Variants in NEK7 observed in about 807,000 individuals in gnomAD.
The protein encoded by NEK7 is NIMA related kinase 7, also known as serine/threonine-protein kinase Nek7.
A neutral mutation model predicts 44.6 loss-of-function variants in NEK7; 18 were observed. The observed-to-expected ratio is 0.40, with a 90% confidence interval of 0.28 to 0.60. NEK7 has a LOEUF of 0.60. Ranked by LOEUF, NEK7 falls within the 20% of genes least tolerant of loss-of-function variation. NEK7 has a pLI of 0.38. For synonymous variants in NEK7, 130 were observed against 121.1 expected (o/e 1.07, Z -0.48); for missense variants, 256 against 366.5 (o/e 0.70, Z 2.46).
chr1:198,309,807 T>C (rs1406928587), intron 9 of NEK7, among the ~76,000 whole-genome samples: 1 of 152,220 alleles, frequency 6.6e-6, no homozygotes, highest in Admixed American at 6.5e-5. Flanking sequence ...TATTCCATGG[T>C]GTATATGTGC....
At chr1:198,224,541 T>G (rs1666156268) in intron 1 of NEK7, among the ~76,000 whole-genome samples, 1 of 143,892 alleles carries the variant, frequency 6.9e-6, no homozygotes, top group Non-Finnish European at 1.5e-5. Flanking sequence ...ACAATGTGTC[T>G]CAACAGATTG....
chr1:198,198,157 T>C (rs12240144), intron 1 of NEK7: 130,052 of 794,668 alleles, frequency 0.16, 11,427 homozygotes, highest in East Asian at 0.26. Context: ...ATGGATTTGG[T>C]CCTGGCTGGC....
At chr1:198,283,533 G>A (rs1414118496) in intron 7 of NEK7, among the ~76,000 whole-genome samples, 1 of 151,990 alleles carries the variant, frequency 6.6e-6, no homozygotes, top group Non-Finnish European at 1.5e-5. Context: ...GTTATGTTAG[G>A]GAAGATTTTC....
intron 1 of NEK7, among the ~76,000 whole-genome samples, chr1:198,169,971 G>A (rs1664387830): frequency 1.3e-5 from 2 of 152,188 alleles, no homozygotes; most frequent in Admixed American, 6.5e-5. Flanking sequence ...CTTGACAGGA[G>A]GTCTAGGCAG....
intron 2 of NEK7, among the ~76,000 whole-genome samples, chr1:198,235,571 T>TA (rs1315620994): frequency 1.3e-5 from 2 of 152,214 alleles, no homozygotes; most frequent in African/African-American, 2.4e-5. Flanking sequence ...TGGGAAATAG[T>TA]AAAATTTTTA....
intron 9 of NEK7, among the ~76,000 whole-genome samples, chr1:198,312,257 T>C (rs1213684871): frequency 1.3e-5 from 2 of 151,480 alleles, no homozygotes; most frequent in Admixed American, 6.6e-5. Flanking sequence ...TGATGGTAGT[T>C]TGTATTTCTG....
Position 198,320,653 on chromosome 1 carries a change from A to G in NEK7, c.*1131A>G, listed in dbSNP as rs2103053108. ...AAAATTTGGGCCACTCTGTATGCAT[A>G]TGTTTGGTCTTGTTAAAGAGGAAGA... On this transcript the variant is annotated 3_prime_UTR_variant, in exon 10 of 10. Transcript: ENST00000367385. 6.6e-6 allele frequency: 1 copy of G among 152,206 alleles called. No individual in the cohort carries two copies. Among genetic ancestry groups the G allele is most frequent in the Middle Eastern group, 3.4e-3 (1 of 294 alleles). 9.4% of individuals were successfully genotyped at this position (152,206 alleles called of 1,614,324 possible). A position where few individuals can be genotyped will look rare whatever the true frequency, so the allele number is the denominator to read the frequency against.
At chr1:198,255,010 G>C (rs1268585490) in intron 3 of NEK7, among the ~76,000 whole-genome samples, 2 of 152,144 alleles carry the variant, frequency 1.3e-5, no homozygotes, top group Admixed American at 1.3e-4. Context: ...CTGCCCTCCA[G>C]GGGAACAAGA....
intron 7 of NEK7, among the ~76,000 whole-genome samples, 187 bp from the exon 8 acceptor site, chr1:198,292,758 G>A (rs901653429): frequency 8.6e-5 from 13 of 151,824 alleles, no homozygotes; most frequent in African/African-American, 2.9e-4. Flanking sequence ...AGTTGTTAGT[G>A]TACTATTTAA....
intron 5 of NEK7, among the ~76,000 whole-genome samples, chr1:198,267,681 G>A (rs1255388727): frequency 2.6e-5 from 4 of 151,984 alleles, no homozygotes; most frequent in African/African-American, 9.7e-5. Flanking sequence ...GACCTCAGGT[G>A]ATCCACCTGC....
Position 198,271,393 on chromosome 1 carries a change from G to A in NEK7, c.373-6568G>A, listed in dbSNP as rs1224436957. 2.0e-5 allele frequency among the ~76,000 whole-genome samples: 3 copies of A among 152,082 alleles called. No homozygotes were observed. In the East Asian group the frequency reaches 5.8e-4, roughly 30 times the overall value. ...TCTTAGAATTCTGCTTATGACAGAC[G>A]TTAATAAATTAGCTAGAATGTCAAC... On this transcript the variant is annotated intron_variant, in intron 5 of 9. Coordinates refer to ENST00000367385, the MANE Select transcript of NEK7 (RefSeq NM_133494.3).
chr1:198,230,964 A>T (rs1162133081), intron 1 of NEK7, among the ~76,000 whole-genome samples: 1 of 151,946 alleles, frequency 6.6e-6, no homozygotes, highest in Non-Finnish European at 1.5e-5. Context: ...TATTATTAAG[A>T]TGTCAATTCT....
chr1:198,306,137 T>G (rs1326336650), intron 9 of NEK7, among the ~76,000 whole-genome samples: 1 of 152,170 alleles, frequency 6.6e-6, no homozygotes, highest in African/African-American at 2.4e-5. Flanking sequence ...TTATGAAGAT[T>G]GAATAAATTA....
Position 198,316,229 on chromosome 1 carries a change from A to G in NEK7, c.799-3183A>G, listed in dbSNP as rs776166587. Among the ~76,000 whole-genome samples, 47 of 152,224 alleles carry G rather than the reference A, an allele frequency of 3.1e-4. 1 individual carries two copies. The highest frequency in any genetic ancestry group is 5.6e-4 in the Non-Finnish European group (38 of 68,036). On this transcript the variant is annotated intron_variant, in intron 9 of 9. Transcript: ENST00000367385. ...ACTGGAGGAAGGGAGGGAGAGACAC[A>G]GAAGGACAGTTGTGTGTGCTTACAT... is the stretch of plus-strand genomic sequence containing the variant.
intron 1 of NEK7, among the ~76,000 whole-genome samples, chr1:198,216,373 T>C (rs772179526): frequency 2.6e-5 from 4 of 151,988 alleles, no homozygotes; most frequent in Non-Finnish European, 5.9e-5. Flanking sequence ...TTTAAAAATT[T>C]TTCAAAATGA....
intron 8 of NEK7, 96 bp from the exon 9 acceptor site, chr1:198,297,031 T>G: frequency 1.4e-6 from 1 of 738,474 alleles, no homozygotes; most frequent in African/African-American, 1.8e-5. Context: ...ATTTAAAATA[T>G]TTGTGATTAT....
chr1:198,302,561 T>C (rs1455866413), intron 9 of NEK7, among the ~76,000 whole-genome samples: 1 of 152,182 alleles, frequency 6.6e-6, no homozygotes, highest in Non-Finnish European at 1.5e-5. Flanking sequence ...ACACAGGGAT[T>C]AAAAAGTACA....
At chr1:198,163,528 A>T (rs1053238732) in intron 1 of NEK7, among the ~76,000 whole-genome samples, 22 of 152,132 alleles carry the variant, frequency 1.4e-4, no homozygotes, top group South Asian at 8.3e-4. Flanking sequence ...AAAATAAAAA[A>T]AAAATTAAAA....
intron 1 of NEK7, among the ~76,000 whole-genome samples, chr1:198,188,225 A>G (rs1266505289): frequency 6.6e-6 from 1 of 152,126 alleles, no homozygotes; most frequent in African/African-American, 2.4e-5. Flanking sequence ...TTTCATAGAG[A>G]ATGCAAGGGG....
Sources: gnomAD v4.1 joint callset for allele counts (sites outside exome capture counted in the v4.1 genomes callset) on GRCh38, gnomAD v4.1.1 for gene constraint, MANE v1.5 for transcripts, NCBI Gene and HGNC (gene_info 2026-07-23, HGNC 2026-07-21) for gene names.